The following EYA1 variants were observed in gnomAD, a reference collection of about 807,000 sequenced individuals.
EYA1 encodes protein phosphatase EYA1.
Under a neutral mutation model 82.0 loss-of-function variants are expected in EYA1, and 16 were observed. The observed-to-expected ratio is 0.20, with a 90% confidence interval of 0.13 to 0.30. The LOEUF (loss-of-function observed/expected upper bound fraction) is 0.30, where lower values mean the gene tolerates loss of function less well. Among genes scored for constraint, EYA1 ranks in the 10% least tolerant of loss-of-function variants. EYA1 has a pLI of 1.00. For synonymous variants in EYA1, 261 were observed against 264.4 expected, an observed-to-expected ratio of 0.99 and a Z score of 0.12; for missense variants, 633 against 730.7, an observed-to-expected ratio of 0.87 and a Z score of 1.54.
chr8:71,355,742 C>T (rs1476913945), intron 2 of EYA1, among the ~76,000 whole-genome samples: 1 of 152,130 alleles, frequency 6.6e-6, no homozygotes, highest in Non-Finnish European at 1.5e-5. Flanking sequence ...AGTTAAATGC[C>T]CTCTGAAAGT....
chr8:71,297,699 T>C (rs1208096374), intron 9 of EYA1, among the ~76,000 whole-genome samples: 1 of 152,144 alleles, frequency 6.6e-6, no homozygotes, highest in African/African-American at 2.4e-5. Context: ...GAAAGTTCTA[T>C]AAGAACTCCT....
At chr8:71,439,508 C>A (rs1055812991) in intron 2 of EYA1, among the ~76,000 whole-genome samples, 2 of 152,208 alleles carry the variant, frequency 1.3e-5, no homozygotes, top group African/African-American at 4.8e-5. Context: ...AATGTCTGAG[C>A]ATGATTATGG....
chr8:71,530,503 T>G (rs1309315239), intron 2 of EYA1, among the ~76,000 whole-genome samples: 1 of 152,216 alleles, frequency 6.6e-6, no homozygotes, highest in African/African-American at 2.4e-5. Context: ...ATCTCTGGAT[T>G]CCATGGTTTT....
intron 12 of EYA1, among the ~76,000 whole-genome samples, chr8:71,218,990 C>CCCT (rs1809555361): frequency 6.6e-6 from 1 of 152,116 alleles, no homozygotes; most frequent in South Asian, 2.1e-4. Context: ...TTCCCTGGTT[C>CCCT]CCTCTAAGGG....
chr8:71,428,775 A>T (rs1208103164), intron 2 of EYA1, among the ~76,000 whole-genome samples: 1 of 152,200 alleles, frequency 6.6e-6, no homozygotes, highest in African/African-American at 2.4e-5. Flanking sequence ...TTGCAAGTTC[A>T]GCATGTGACT....
At chr8:71,216,641 A>G in intron 14 of EYA1, 51 bp downstream of exon 14, 1 of 1,588,784 alleles carries the variant, frequency 6.3e-7, no homozygotes, top group Admixed American at 1.7e-5. Flanking sequence ...TACTTTTGGA[A>G]TTGTATCTGG....
chr8:71,251,070 C>G (rs1813691804), intron 11 of EYA1, among the ~76,000 whole-genome samples: 1 of 152,128 alleles, frequency 6.6e-6, no homozygotes, highest in East Asian at 1.9e-4. Context: ...AAGGAAGAGC[C>G]CATTCTTAGA....
At chr8:71,476,011 G>A (rs928647139) in intron 2 of EYA1, among the ~76,000 whole-genome samples, 2 of 152,004 alleles carry the variant, frequency 1.3e-5, no homozygotes, top group South Asian at 2.1e-4. Context: ...AATTATCTTC[G>A]TCTTTCCAAC....
intron 2 of EYA1, among the ~76,000 whole-genome samples, chr8:71,387,354 G>A (rs914684597): frequency 3.3e-5 from 5 of 152,148 alleles, no homozygotes; most frequent in Non-Finnish European, 5.9e-5. Flanking sequence ...CATTTAAGAG[G>A]AGAAGTAACA....
chr8:71,534,520 CTGCTTATTGCATAACACCAACAGGTCT>C (rs760387365), intron 2 of EYA1, among the ~76,000 whole-genome samples: 124 of 152,318 alleles, frequency 8.1e-4, no homozygotes, highest in Non-Finnish European at 1.2e-3. Context: ...ATAGCAGTTC[CTGCTTATTGCATAACACCAACAGGTCT>C]TGTAAAACAT....
intron 2 of EYA1, among the ~76,000 whole-genome samples, chr8:71,367,239 T>C (rs1209136656): frequency 6.6e-6 from 1 of 152,292 alleles, no homozygotes; most frequent in South Asian, 2.1e-4. Flanking sequence ...TCTTGTTTCA[T>C]AGTTATATCA....
intron 2 of EYA1, among the ~76,000 whole-genome samples, chr8:71,526,415 T>C (rs1212044965): frequency 3.9e-5 from 6 of 152,314 alleles, no homozygotes; most frequent in African/African-American, 1.4e-4. Flanking sequence ...TAGTGATCTA[T>C]CATGGTGTAA....
At position 71,199,385 on chromosome 8, in the gene EYA1, C is replaced by T. The variant is rs770876882; in HGVS notation, c.1734G>A (p.Ser578=). The T allele has an allele frequency of 5.5e-5, 88 of 1,613,244 alleles. No homozygotes were observed. The African/African-American group carries it at 7.9e-4, about 14-fold the overall frequency. The part of the protein sequence containing the change: ...AMPFWRISSH[S]DLMALHHALE... Reference sequence around the variant, plus strand: ...AGGCATGGTGCAGGGCCATGAGGTCCGAGTGGCTGGAGATCCTCCAGAAGG... The same window carrying T: ...AGGCATGGTGCAGGGCCATGAGGTCTGAGTGGCTGGAGATCCTCCAGAAGG... Residue 578 remains serine, a synonymous_variant, in exon 18 of 18, where the codon TCG becomes TCA. Transcript: ENST00000340726.
chr8:71,313,358 T>C (rs1407777084), intron 7 of EYA1, among the ~76,000 whole-genome samples: 1 of 152,194 alleles, frequency 6.6e-6, no homozygotes, highest in Non-Finnish European at 1.5e-5. Context: ...TTGTTATATA[T>C]ATTATTACAC....
intron 12 of EYA1, among the ~76,000 whole-genome samples, chr8:71,222,156 G>C (rs1006394363): frequency 3.0e-4 from 45 of 152,122 alleles, no homozygotes; most frequent in Non-Finnish European, 5.0e-4. Context: ...ATGCCCCCCA[G>C]TTGAATTCTT....
At chr8:71,230,406 G>A (rs1004344345) in intron 12 of EYA1, among the ~76,000 whole-genome samples, 1 of 152,206 alleles carries the variant, frequency 6.6e-6, no homozygotes, top group Non-Finnish European at 1.5e-5. Flanking sequence ...AGCAGACTGT[G>A]TGAGTGCTGA....
At position 71,255,790 on chromosome 8, in the gene EYA1, G is replaced by A. The variant is rs149017771; in HGVS notation, c.1051-11098C>T. Among the ~76,000 whole-genome samples, 663 of 152,048 alleles carry A rather than the reference G, an allele frequency of 4.4e-3. 4 individuals are homozygous for A. Among genetic ancestry groups the A allele is most frequent in the African/African-American group, 0.015 (617 of 41,482 alleles). On this transcript the variant is annotated intron_variant, in intron 11 of 17. Coordinates refer to ENST00000340726, the MANE Select transcript of EYA1 (RefSeq NM_000503.6). ...AAACAACAGTGAAAAGGCAGGCCAC[G>A]GAATGGGAGAAAATATTTGAAAATC...
chr8:71,247,003 ACCCACATCCCTCCAGCACCT>A (rs1169891770), intron 11 of EYA1, among the ~76,000 whole-genome samples: 7 of 143,086 alleles, frequency 4.9e-5, no homozygotes, highest in Non-Finnish European at 1.1e-4. Context: ...TCTTGGCACT[ACCCACATCCCTCCAGCACCT>A]CCCACATCTC....
chr8:71,399,918 C>A (rs1467161103), intron 2 of EYA1, among the ~76,000 whole-genome samples: 1 of 152,118 alleles, frequency 6.6e-6, no homozygotes, highest in Non-Finnish European at 1.5e-5. Context: ...GCTACAGTAA[C>A]CAAAACAGAA....
Sources: allele counts gnomAD v4.1 joint callset (sites outside exome capture counted in the v4.1 genomes callset), GRCh38; gene constraint gnomAD v4.1.1; transcripts MANE v1.5; gene names NCBI Gene and HGNC (gene_info 2026-07-23, HGNC 2026-07-21).